The following UNC13A variants were observed in gnomAD, a reference collection of about 807,000 sequenced individuals.
UNC13A encodes protein unc-13 homolog A.
A neutral mutation model predicts 219.7 loss-of-function variants in UNC13A; 61 were observed. The ratio of observed to expected loss-of-function variants is 0.28; its 90% CI spans 0.23 to 0.34. UNC13A has a LOEUF of 0.34. Among genes scored for constraint, UNC13A ranks in the 10% least tolerant of loss-of-function variants. UNC13A has a pLI of 1.00. For missense variants in UNC13A, 1,476 were observed against 2,270.3 expected (o/e 0.65, Z 7.11); for synonymous variants, 920 against 884.6 (o/e 1.04, Z -0.71).
chr19:17,664,326 A>G (rs1232701330), intron 7 of UNC13A, among the ~76,000 whole-genome samples: 3 of 152,228 alleles, frequency 2.0e-5, no homozygotes, highest in East Asian at 1.9e-4. Flanking sequence ...GGGTGAAACT[A>G]TGGGGCTCAG....
In UNC13A at chr19:17,649,794, G is replaced by A. The variant is rs1410439447; in HGVS notation, c.1440-207C>T. Among the ~76,000 whole-genome samples, 1 of 152,150 alleles carries A rather than the reference G, an allele frequency of 6.6e-6. No homozygotes were observed. Among genetic ancestry groups the A allele is most frequent in the East Asian group, 1.9e-4 (1 of 5,192 alleles). ...CACAGATGTAATTAGTTAAGATAAGGTCATACTGGAGTAGGGTAGACACTT... is the reference window on the plus strand; with the variant it reads ...CACAGATGTAATTAGTTAAGATAAGATCATACTGGAGTAGGGTAGACACTT... On this transcript the variant is annotated intron_variant, in intron 12 of 43. Transcript: ENST00000519716. This position sits in a 1 kb window ranked among gnomAD's most constrained non-coding sequence, Gnocchi z 4.4.
At chr19:17,679,062 C>G (rs2079956186) in intron 1 of UNC13A, among the ~76,000 whole-genome samples, 1 of 151,924 alleles carries the variant, frequency 6.6e-6, no homozygotes, top group Non-Finnish European at 1.5e-5. Context: ...AGTTCAAGAC[C>G]AGCCTGGGCA....
intron 40 of UNC13A, among the ~76,000 whole-genome samples, chr19:17,618,179 T>C (rs1242017073): frequency 6.6e-6 from 1 of 152,136 alleles, no homozygotes; most frequent in Non-Finnish European, 1.5e-5. Flanking sequence ...CCCACATCCT[T>C]CCCTCTACCC....
At chr19:17,672,120 G>A (rs1231296411) in intron 4 of UNC13A, among the ~76,000 whole-genome samples, 1 of 152,124 alleles carries the variant, frequency 6.6e-6, no homozygotes, top group Non-Finnish European at 1.5e-5. Flanking sequence ...GCACCTTTCG[G>A]TGGTTGGAAT....
At chr19:17,616,980 G>C (rs2076672876) in intron 41 of UNC13A, among the ~76,000 whole-genome samples, 1 of 152,142 alleles carries the variant, frequency 6.6e-6, no homozygotes, top group African/African-American at 2.4e-5. Context: ...ACAGGAGACC[G>C]AAGCAAAATA....
intron 12 of UNC13A, among the ~76,000 whole-genome samples, chr19:17,650,907 T>C (rs1285744052): frequency 6.7e-6 from 1 of 149,396 alleles, no homozygotes; most frequent in Non-Finnish European, 1.5e-5. Flanking sequence ...GCTGGGACCA[T>C]AGGTGTACAC....
intron 20 of UNC13A, 91 bp from the exon 21 acceptor site, chr19:17,641,647 T>C: frequency 7.6e-7 from 1 of 1,307,210 alleles, no homozygotes; most frequent in Non-Finnish European, 1.1e-6. Flanking sequence ...ACATCATCCA[T>C]CTGCCTGTTT....
intron 1 of UNC13A, 172 bp from the exon 2 acceptor site, chr19:17,676,213 T>C (rs1313353363): frequency 1.3e-6 from 1 of 752,290 alleles, no homozygotes. Context: ...AAAAGAAAGA[T>C]AGAAGCAATG....
At chr19:17,675,200 G>T (rs1192266408) in intron 2 of UNC13A, among the ~76,000 whole-genome samples, 1 of 151,940 alleles carries the variant, frequency 6.6e-6, no homozygotes, top group Non-Finnish European at 1.5e-5. Flanking sequence ...TGGGTGCAGT[G>T]GTGCACGCCT....
intron 1 of UNC13A, among the ~76,000 whole-genome samples, chr19:17,678,636 G>A (rs536772821): frequency 7.9e-5 from 12 of 151,664 alleles, no homozygotes; most frequent in Non-Finnish European, 1.3e-4. Flanking sequence ...CCCAGGGAGC[G>A]CACCCACCCA....
chr19:17,645,629 C>G (rs2077018126), intron 19 of UNC13A, 45 bp downstream of exon 19: 1 of 1,609,046 alleles, frequency 6.2e-7, no homozygotes, highest in Non-Finnish European at 8.5e-7. Context: ...CTGGCTGGAT[C>G]CCTGGGACCC....
At chr19:17,607,297 T>C (rs1366974360) in intron 43 of UNC13A, among the ~76,000 whole-genome samples, 1 of 152,148 alleles carries the variant, frequency 6.6e-6, no homozygotes, top group African/African-American at 2.4e-5. Flanking sequence ...CATCTCCCTC[T>C]GTCACCCAGG....
Position 17,642,923 on chromosome 19 carries a change from G to T in UNC13A, c.2394C>A (p.Ile798=), listed in dbSNP as rs778488491. Residue 798 remains isoleucine (I), a synonymous_variant, in exon 20 of 44, where the codon ATC becomes ATA. Transcript: ENST00000519716. ...RTDKSAVSGA[I]RLHISVEIKG... ...TGATCTCCACACTGATGTGGAGCCG[G>T]ATGGCACCCGACACGGCAGATTTGT... The T allele has an allele frequency of 6.2e-7, 1 of 1,609,586 alleles. No individual in the cohort carries two copies. Among genetic ancestry groups the T allele is most frequent in the East Asian group, 2.2e-5 (1 of 44,786 alleles).
rs2076506941 is a variant in UNC13A at position 17,605,071 on chromosome 19, C to T, written c.*983G>A. The T allele has an allele frequency of 6.5e-6, 1 of 152,728 alleles. No individual in the cohort carries two copies. The highest frequency in any genetic ancestry group is 2.4e-5 in the African/African-American group (1 of 41,462). The allele number at this position is 152,728 out of a possible 1,614,324, so 9.5% of individuals were successfully genotyped here. A position where few individuals can be genotyped will look rare whatever the true frequency, so the allele number is the denominator to read the frequency against. On this transcript the variant is annotated 3_prime_UTR_variant, in exon 44 of 44. Transcript: ENST00000519716. ...GGAGAAAGGGCTGAGGGCAAAGGTC[C>T]TGCTTGGCAGCCGGAGAAGGAAAGG... is the stretch of plus-strand genomic sequence containing the variant.
intron 9 of UNC13A, among the ~76,000 whole-genome samples, chr19:17,656,891 G>A (rs1208145727): frequency 1.3e-5 from 2 of 150,448 alleles, no homozygotes; most frequent in Admixed American, 6.6e-5. Context: ...CCACTTTTGT[G>A]GCATTTGCGG....
intron 1 of UNC13A, 81 bp from the exon 2 acceptor site, chr19:17,676,122 G>T: frequency 7.2e-7 from 1 of 1,395,418 alleles, no homozygotes; most frequent in Non-Finnish European, 1.0e-6. Context: ...GAGATTCAGA[G>T]ACACACCAAG....
chr19:17,645,162 C>A (rs1248724339), intron 19 of UNC13A, among the ~76,000 whole-genome samples: 1 of 151,766 alleles, frequency 6.6e-6, no homozygotes, highest in African/African-American at 2.4e-5. Context: ...GCACCCACCA[C>A]CACGCCTGGC....
chr19:17,651,104 A>G (rs1174951580), intron 12 of UNC13A, among the ~76,000 whole-genome samples: 1 of 151,060 alleles, frequency 6.6e-6, no homozygotes, highest in East Asian at 2.0e-4. Context: ...CACCTGGCTA[A>G]TTTTCTGTAT....
In UNC13A at chr19:17,642,993, C is replaced by T. The variant is rs752047620; in HGVS notation, c.2357-33G>A. 5.0e-5 allele frequency: 79 copies of T among 1,564,370 alleles called. No individual in the cohort carries two copies. In the Middle Eastern group the frequency reaches 1.5e-3, roughly 30 times the overall value. ...GCAGAAAAAGAAGACAGTGTCAGAA[C>T]TTCCCACTATAGCAGTGGGCAATTT... is the stretch of plus-strand genomic sequence containing the variant. On this transcript the variant is annotated intron_variant, in intron 19 of 43. Transcript: ENST00000519716.
Sources: allele counts gnomAD v4.1 joint callset (sites outside exome capture counted in the v4.1 genomes callset), GRCh38; gene constraint gnomAD v4.1.1; non-coding constraint Gnocchi (gnomAD v3.1); transcripts MANE v1.5; gene names NCBI Gene and HGNC (gene_info 2026-07-23, HGNC 2026-07-21).